PIK3C2G: variants seen among roughly 807,000 people sequenced by gnomAD.
PIK3C2G encodes phosphatidylinositol 3-kinase C2 domain-containing subunit gamma.
Under a neutral mutation model 181.1 loss-of-function variants are expected in PIK3C2G, and 168 were observed. The observed-to-expected ratio is 0.93, with a 90% CI of 0.82 to 1.05. The LOEUF (loss-of-function observed/expected upper bound fraction) is 1.05. Ranked by LOEUF, PIK3C2G falls within the 50% of genes least tolerant of loss-of-function variation. PIK3C2G has a pLI of 0.00. For synonymous variants in PIK3C2G, 573 were observed against 592.2 expected (o/e 0.97, Z 0.47); for missense variants, 1,869 against 1,732.8 (o/e 1.08, Z -1.40).
intron 31 of PIK3C2G, among the ~76,000 whole-genome samples, chr12:18,627,617 T>A (rs1949161398): frequency 6.6e-6 from 1 of 152,214 alleles, no homozygotes; most frequent in Admixed American, 6.5e-5. Flanking sequence ...ACATCACTCC[T>A]CAGCCATTAT....
intron 29 of PIK3C2G, among the ~76,000 whole-genome samples, chr12:18,592,469 T>C (rs1037088875): frequency 3.3e-5 from 5 of 151,920 alleles, no homozygotes; most frequent in Non-Finnish European, 7.4e-5. Flanking sequence ...TATATGTATG[T>C]AGTTTTTAAG....
At chr12:18,704,962 T>A in the PIK3C2G span, among the ~76,000 whole-genome samples, 1 of 152,142 alleles carries the variant, frequency 6.6e-6, no homozygotes. Context: ...GTTGTATGTA[T>A]ATATATATAA....
chr12:18,392,912 C>T (rs1943626015), intron 15 of PIK3C2G, among the ~76,000 whole-genome samples: 1 of 152,044 alleles, frequency 6.6e-6, no homozygotes, highest in Admixed American at 6.6e-5. Flanking sequence ...TCATAGTCTT[C>T]ATGACACATA....
intron 29 of PIK3C2G, among the ~76,000 whole-genome samples, chr12:18,578,571 G>T (rs1025466585): frequency 1.3e-4 from 19 of 151,944 alleles, no homozygotes; most frequent in African/African-American, 4.1e-4. Flanking sequence ...TTATATTCAA[G>T]AAATAAAAAC....
chr12:18,538,456 CA>C, intron 25 of PIK3C2G, 144 bp downstream of exon 25: 1 of 624,852 alleles, frequency 1.6e-6, no homozygotes, highest in Non-Finnish European at 2.7e-6. Context: ...TACCATTGTA[CA>C]GCTTATAAAC....
chr12:18,346,361 T>C (rs1176555690), intron 10 of PIK3C2G, among the ~76,000 whole-genome samples: 2 of 152,202 alleles, frequency 1.3e-5, no homozygotes, highest in East Asian at 3.8e-4. Context: ...TTGATCAGAA[T>C]GTCAAATTAA....
the PIK3C2G span, among the ~76,000 whole-genome samples, chr12:18,721,216 A>G: frequency 2.0e-5 from 3 of 152,132 alleles, no homozygotes; most frequent in African/African-American, 7.2e-5. Flanking sequence ...TTGTTCCCTT[A>G]AAAACTACCA....
At position 18,293,905 on chromosome 12, in the gene PIK3C2G, T is replaced by A. The variant is rs1949820357; in HGVS notation, c.924T>A (p.Asn308Lys). 1 of 1,463,212 alleles carries A rather than the reference T, an allele frequency of 6.8e-7. No homozygotes were observed. The allele number at this position is 1,463,212 out of a possible 1,614,324, so 90.6% of individuals were successfully genotyped here. ...ATTATTCCTCTTTTTCTTTAGCTAA[T>A]TATCTTGTCAAAGATCTAATTGCAG... ...TQPLHFMPCA[N>K]YLVKDLIAEI... is the part of the protein sequence containing the mutation. The change falls in exon 5 of 33, where the codon AAT becomes AAA. Residue 308 changes from asparagine to lysine, a missense_variant. Coordinates refer to ENST00000538779, the MANE Select transcript of PIK3C2G (RefSeq NM_001288772.2).
At chr12:18,666,632 C>T in the PIK3C2G span, among the ~76,000 whole-genome samples, 1 of 152,030 alleles carries the variant, frequency 6.6e-6, no homozygotes, top group Admixed American at 6.6e-5. Context: ...GATTTTAATA[C>T]CCAACTTTCA....
Position 18,488,492 on chromosome 12 carries a change from T to C in PIK3C2G, c.2548T>C (p.Tyr850His), listed in dbSNP as rs1940262345. Residue 850 changes from tyrosine to histidine, a missense_variant, in exon 19 of 33, where the codon TAT becomes CAT. Physicochemically the swap from Tyr to His is moderately conservative, Grantham distance 83 (BLOSUM62 2). Coordinates refer to ENST00000538779, the MANE Select transcript of PIK3C2G (RefSeq NM_001288772.2). The part of the protein sequence containing the change: ...AENEAYFKSW[Y>H]QKLLAALQFC... ...AAATGAAGCTTATTTTAAAAGCTGGTATCAGAAGCTACTAGCTGCTCTCCA... is the reference window on the plus strand; with the variant it reads ...AAATGAAGCTTATTTTAAAAGCTGGCATCAGAAGCTACTAGCTGCTCTCCA... The C allele has an allele frequency of 6.4e-7, 1 of 1,552,924 alleles. No homozygotes were observed. The highest frequency in any genetic ancestry group is 8.7e-7 in the Non-Finnish European group (1 of 1,149,960).
At chr12:18,266,211 A>G (rs1209374300) in intron 1 of PIK3C2G, among the ~76,000 whole-genome samples, 2 of 152,008 alleles carry the variant, frequency 1.3e-5, no homozygotes, top group East Asian at 1.9e-4. Context: ...ATGTTATCAC[A>G]TTTTGATTCC....
chr12:18,681,614 T>C, the PIK3C2G span, among the ~76,000 whole-genome samples: 1 of 151,942 alleles, frequency 6.6e-6, no homozygotes, highest in African/African-American at 2.4e-5. Context: ...AATTTTAAAA[T>C]GGAACCAAAA....
At chr12:18,256,179 T>C (rs1358994519) in intron 1 of PIK3C2G, among the ~76,000 whole-genome samples, 1 of 152,158 alleles carries the variant, frequency 6.6e-6, no homozygotes, top group African/African-American at 2.4e-5. Context: ...TATTTTGTGA[T>C]GTATATGCTG....
chr12:18,553,926 C>T (rs896852518), intron 26 of PIK3C2G, among the ~76,000 whole-genome samples: 2 of 152,020 alleles, frequency 1.3e-5, no homozygotes, highest in African/African-American at 2.4e-5. Flanking sequence ...TTTCCAAAGA[C>T]TTTTCCTACT....
At chr12:18,418,880 T>C (rs80001973) in intron 16 of PIK3C2G, among the ~76,000 whole-genome samples, 1 of 152,088 alleles carries the variant, frequency 6.6e-6, no homozygotes, top group African/African-American at 2.4e-5. Context: ...GCTTCACAGG[T>C]AAATTGATGC....
At chr12:18,423,783 A>G (rs1945623489) in intron 17 of PIK3C2G, among the ~76,000 whole-genome samples, 162 bp from the exon 18 acceptor site, 2 of 152,216 alleles carry the variant, frequency 1.3e-5, no homozygotes, top group Non-Finnish European at 2.9e-5. Context: ...GTGTTTTGTT[A>G]TTAGTCATAT....
At chr12:18,370,984 C>A (rs1942015502) in intron 12 of PIK3C2G, among the ~76,000 whole-genome samples, 196 bp from the exon 13 acceptor site, 2 of 152,024 alleles carry the variant, frequency 1.3e-5, no homozygotes, top group South Asian at 2.1e-4. Flanking sequence ...TAATTTTCAT[C>A]GATTAACAAA....
intron 24 of PIK3C2G, among the ~76,000 whole-genome samples, chr12:18,527,276 T>C (rs1008959736): frequency 1.3e-5 from 2 of 152,202 alleles, no homozygotes; most frequent in Non-Finnish European, 2.9e-5. Context: ...TACAAATGTC[T>C]CCTAAACATA....
chr12:18,644,885 A>G (rs980783745), intron 32 of PIK3C2G, among the ~76,000 whole-genome samples: 6 of 152,146 alleles, frequency 3.9e-5, no homozygotes, highest in African/African-American at 1.4e-4. Flanking sequence ...TTCAGTTCCT[A>G]TCTTATTGTC....
Sources: allele counts gnomAD v4.1 joint callset (sites outside exome capture counted in the v4.1 genomes callset), GRCh38; gene constraint gnomAD v4.1.1; transcripts MANE v1.5; gene names NCBI Gene and HGNC (gene_info 2026-07-23, HGNC 2026-07-21).